Variants in YY1AP1 observed in about 807,000 individuals in gnomAD.
YY1AP1 encodes YY1 associated protein 1.
Under a neutral mutation model 39.9 loss-of-function variants are expected in YY1AP1, and 43 were observed. The ratio of observed to expected loss-of-function variants is 1.08; its 90% confidence interval spans 0.84 to 1.39. The LOEUF is 1.39. Among genes scored for constraint, YY1AP1 ranks in the 40% most tolerant of loss-of-function variants. YY1AP1 has a pLI of 0.00. For missense variants in YY1AP1, 813 were observed against 900.7 expected (o/e 0.90, Z 1.25); for synonymous variants, 292 against 331.3 (o/e 0.88, Z 1.29).
chr1:155,664,995 T>C (rs149321654), intron 9 of YY1AP1, among the ~76,000 whole-genome samples: 5,575 of 151,748 alleles, frequency 0.037, 379 homozygotes, highest in African/African-American at 0.13. Context: ...TGGTCTCGAT[T>C]TCCCGACCTC....
intron 9 of YY1AP1, among the ~76,000 whole-genome samples, chr1:155,666,078 A>G (rs1358445225): frequency 6.6e-6 from 1 of 152,156 alleles, no homozygotes; most frequent in Non-Finnish European, 1.5e-5. Flanking sequence ...AGGCAAGGTA[A>G]CACAGTAACA....
In YY1AP1 at chr1:155,660,568, G is replaced by A. The variant is rs1647917547; in HGVS notation, c.1342C>T (p.Leu448Phe). Residue 448 changes from leucine (L) to phenylalanine (F), a missense_variant, in exon 11 of 11, where the codon CTC (leucine) becomes TTC (phenylalanine). By Grantham distance (22) the Leu-to-Phe change is conservative. This residue lies in a region of YY1AP1 where 586 missense variants were observed against 647.4 expected (regional missense o/e 0.91). Transcript: ENST00000355499. ...GGCTGTATTGGGTGAGGAATCCGGA[G>A]CACCATTTTGCTCGGAGGGGCTTCT... ...HSEAPPSKMV[L>F]RIPHPIQPAT... The A allele has an allele frequency of 6.2e-7, 1 of 1,614,174 alleles. No homozygotes were observed.
Position 155,688,195 on chromosome 1 carries a change from A to T in YY1AP1, c.-145T>A, listed in dbSNP as rs1017809059. 2.5e-6 allele frequency: 4 copies of T among 1,613,998 alleles called. No individual in the cohort carries two copies. ...GCTTGTCAGGAGGCGGCCAGCGGGT[A>T]AGCCGACTGGCGGAAATGCGAGAGA... On this transcript the variant is annotated 5_prime_UTR_variant, in exon 2 of 11. Coordinates refer to ENST00000355499, the MANE Select transcript of YY1AP1 (RefSeq NM_139119.3).
intron 5 of YY1AP1, 51 bp downstream of exon 5, chr1:155,676,497 G>A: frequency 6.3e-7 from 1 of 1,597,252 alleles, no homozygotes; most frequent in Admixed American, 1.7e-5. Flanking sequence ...CAAAGCCTCA[G>A]AGTTAGGCCT....
chr1:155,676,865 T>A, intron 4 of YY1AP1, 119 bp from the exon 5 acceptor site: 1 of 1,010,016 alleles, frequency 9.9e-7, no homozygotes, highest in Non-Finnish European at 1.5e-6. Context: ...TCCCCCCTTT[T>A]CACTTTAGCC....
intron 9 of YY1AP1, among the ~76,000 whole-genome samples, chr1:155,661,922 C>G (rs1049597093): frequency 6.6e-6 from 1 of 152,140 alleles, no homozygotes; most frequent in Non-Finnish European, 1.5e-5. Context: ...TCCCAAAGTG[C>G]TAGGATTACA....
chr1:155,663,695 G>A (rs993265179), intron 9 of YY1AP1, among the ~76,000 whole-genome samples: 3 of 151,970 alleles, frequency 2.0e-5, no homozygotes, highest in African/African-American at 7.3e-5. Context: ...CTCCAGCCTG[G>A]GCAATGGAGC....
At chr1:155,678,960 G>A (rs1032355671) in intron 4 of YY1AP1, among the ~76,000 whole-genome samples, 7 of 152,218 alleles carry the variant, frequency 4.6e-5, no homozygotes, top group South Asian at 2.1e-4. Flanking sequence ...AGGTCAGCAC[G>A]TATGTTTCAG....
chr1:155,674,927 C>T (rs556453919), intron 6 of YY1AP1, 83 bp downstream of exon 6: 22 of 1,266,220 alleles, frequency 1.7e-5, no homozygotes, highest in Admixed American at 9.5e-5. Context: ...ATCAAAAATA[C>T]CTGAGAGAAT....
intron 8 of YY1AP1, 128 bp from the exon 9 acceptor site, chr1:155,668,905 C>T (rs2149039881): frequency 7.1e-7 from 1 of 1,410,048 alleles, no homozygotes; most frequent in South Asian, 1.3e-5. Flanking sequence ...ACTCTGTCAC[C>T]TGGGCTGGAG....
upstream of YY1AP1, chr1:155,688,858 C>A: frequency 6.2e-7 from 1 of 1,600,982 alleles, no homozygotes; most frequent in South Asian, 1.1e-5. Context: ...AGGAAGGGAC[C>A]GGCAAAGCGA....
intron 2 of YY1AP1, 144 bp from the exon 3 acceptor site, chr1:155,680,600 T>A: frequency 1.5e-6 from 1 of 670,772 alleles, no homozygotes; most frequent in Non-Finnish European, 2.6e-6. Flanking sequence ...AGGGTCTCAC[T>A]CTGTCACCCG....
Position 155,659,644 on chromosome 1 carries a change from T to C in YY1AP1, c.*13A>G. 1 of 1,613,962 alleles carries C rather than the reference T, an allele frequency of 6.2e-7. No individual in the cohort carries two copies. The highest frequency in any genetic ancestry group is 1.3e-5 in the African/African-American group (1 of 75,034). On this transcript the variant is annotated 3_prime_UTR_variant, in exon 11 of 11. Coordinates refer to ENST00000355499, the MANE Select transcript of YY1AP1 (RefSeq NM_139119.3). ...GTGAAGGCTCCCAGTCTCCAGACTC[T>C]TATTCTCCTAGCTCAAAGAAATCCA...
chr1:155,687,888 C>T, intron 2 of YY1AP1, 183 bp downstream of exon 2: 1 of 641,940 alleles, frequency 1.6e-6, no homozygotes, highest in South Asian at 2.6e-5. Flanking sequence ...CACCCCTTCA[C>T]CCCGCCTGGA....
In YY1AP1 at chr1:155,660,061, T is replaced by G. The variant is rs773268707; in HGVS notation, c.1849A>C (p.Ile617Leu). The change falls in exon 11 of 11, where the codon ATT becomes CTT. Residue 617 changes from isoleucine to leucine, a missense_variant. Coordinates refer to ENST00000355499, the MANE Select transcript of YY1AP1 (RefSeq NM_139119.3). Reference sequence around the variant, plus strand: ...AGATTCACAGAATTGCCAGAAACAATTAAGGGTGAGACAGAGGAGGCCACA... The same window carrying G: ...AGATTCACAGAATTGCCAGAAACAAGTAAGGGTGAGACAGAGGAGGCCACA... The part of the protein sequence containing the change: ...PLVASSVSPL[I>L]VSGNSVNLPI... 5.6e-6 allele frequency: 9 copies of G among 1,614,010 alleles called. No homozygotes were observed. The highest frequency in any genetic ancestry group is 7.6e-6 in the Non-Finnish European group (9 of 1,180,010).
chr1:155,671,849 T>G (rs1649914139), intron 7 of YY1AP1, among the ~76,000 whole-genome samples: 1 of 152,188 alleles, frequency 6.6e-6, no homozygotes. Flanking sequence ...ACACTTAAAT[T>G]CAACTACATT....
At chr1:155,667,357 G>A (rs190866203) in intron 9 of YY1AP1, among the ~76,000 whole-genome samples, 13 of 152,014 alleles carry the variant, frequency 8.6e-5, no homozygotes, top group Admixed American at 2.6e-4. Flanking sequence ...TAAAATAATC[G>A]GCTAGCCTTG....
chr1:155,676,697 T>C lies in YY1AP1; in HGVS notation c.175A>G (p.Lys59Glu), dbSNP rs1290933227. Residue 59 changes from lysine to glutamate, a missense_variant, in exon 5 of 11, where the codon AAG (lysine) becomes GAG (glutamate). Lys to Glu is a moderately conservative substitution (Grantham distance 56). Around this residue, in one of 3 missense-constraint regions of YY1AP1, gnomAD observed 196 missense variants for 189.7 expected, o/e 1.03. Coordinates refer to ENST00000355499, the MANE Select transcript of YY1AP1 (RefSeq NM_139119.3). ...ATCTTCAGCTGTTCAAATAGTTCCT[T>C]CGCTATCTGATGTTGTTCATTTAGT... ...NLLNEQHQIAKELFEQLKMKK... is the reference protein window; with the variant it reads ...NLLNEQHQIAEELFEQLKMKK... The C allele has an allele frequency of 6.2e-7, 1 of 1,614,154 alleles. No homozygotes were observed. The highest frequency in any genetic ancestry group is 1.1e-5 in the South Asian group (1 of 91,084).
chr1:155,672,677 G>C lies in YY1AP1; in HGVS notation c.466C>G (p.Pro156Ala). 6.2e-7 allele frequency: 1 copy of C among 1,614,114 alleles called. No homozygotes were observed. Among genetic ancestry groups the C allele is most frequent in the Non-Finnish European group, 8.5e-7 (1 of 1,180,018 alleles). Residue 156 changes from proline to alanine, a missense_variant, in exon 7 of 11, where the codon CCC becomes GCC. By Grantham distance (27) the Pro-to-Ala change is conservative. Coordinates refer to ENST00000355499, the MANE Select transcript of YY1AP1 (RefSeq NM_139119.3). ...GGTTGGAACAGGGTCTGAAACTTGG[G>C]GTTGTACTGATGGTGAAGGGCGATG... ...SSIALHHQYN[P>A]KFQTLFQPCN...
Sources: gnomAD v4.1 joint callset for allele counts (sites outside exome capture counted in the v4.1 genomes callset) on GRCh38, gnomAD v4.1.1 for gene constraint, gnomAD v4.1.1 regional missense constraint, MANE v1.5 for transcripts, NCBI Gene and HGNC (gene_info 2026-07-23, HGNC 2026-07-21) for gene names.